RGS5: variants seen among roughly 807,000 people sequenced by gnomAD.
RGS5 encodes the protein regulator of G-protein signalling 5.
RGS5 carries 20 observed loss-of-function variants against 18.9 expected under a neutral mutation model. The ratio of observed to expected loss-of-function variants is 1.06; its 90% CI spans 0.74 to 1.54. The LOEUF is 1.54. Ranked by LOEUF, RGS5 falls within the 40% of genes most tolerant of loss-of-function variation. RGS5 has a pLI of 0.00. For missense variants in RGS5, 201 were observed against 211.8 expected (o/e 0.95, Z 0.32); for synonymous variants, 57 against 76.2 (o/e 0.75, Z 1.31).
chr1:163,149,551 T>C (rs1343194739), intron 4 of RGS5, among the ~76,000 whole-genome samples: 5 of 152,238 alleles, frequency 3.3e-5, no homozygotes, highest in African/African-American at 9.6e-5. Flanking sequence ...TAATAAGTCA[T>C]TCTGATACAT....
At chr1:163,171,846 C>T (rs1216605154) in intron 1 of RGS5, among the ~76,000 whole-genome samples, 2 of 152,078 alleles carry the variant, frequency 1.3e-5, no homozygotes, top group African/African-American at 4.8e-5. Context: ...TGCTTTTAGC[C>T]CGGAGAGGTC....
rs566420953 is a variant in RGS5 at position 163,222,787 on chromosome 1, C to T, written c.-280-54419G>A. Among the ~76,000 whole-genome samples the T allele has an allele frequency of 6.6e-5, 10 of 152,068 alleles. No individual in the cohort carries two copies. In the East Asian group the frequency reaches 1.5e-3, roughly 23 times the overall value. ...GTTGAGATGACCGAAGTCAGGTTTC[C>T]GGCCAACAGAACTGTAGTTTTTCCT... is the stretch of plus-strand genomic sequence containing the variant. On this transcript the variant is annotated intron_variant, in intron 2 of 5. Transcript: ENST00000618415.
Position 163,147,101 on chromosome 1 carries a change from G to A in RGS5, c.*241C>T, listed in dbSNP as rs1283317476. 8.9e-6 allele frequency: 3 copies of A among 336,544 alleles called. No homozygotes were observed. Among genetic ancestry groups the A allele is most frequent in the Non-Finnish European group, 1.6e-5 (3 of 187,584 alleles). The allele number at this position is 336,544 out of a possible 1,614,324, so 20.8% of individuals were successfully genotyped here. A position where few individuals can be genotyped will look rare whatever the true frequency, so the allele number is the denominator to read the frequency against. On this transcript the variant is annotated 3_prime_UTR_variant, in exon 5 of 5. Coordinates refer to ENST00000313961, the MANE Select transcript of RGS5 (RefSeq NM_003617.4). ...TGATTCTGATTGTGTCTGACTACAA[G>A]CTGAAGATATCTTAATTAATAACAG...
intron 2 of RGS5, among the ~76,000 whole-genome samples, chr1:163,257,068 C>T (rs746893111): frequency 2.0e-5 from 3 of 152,122 alleles, no homozygotes; most frequent in Non-Finnish European, 2.9e-5. Flanking sequence ...CTAGTACTGT[C>T]ATGGGTCTGG....
At chr1:163,290,491 T>C (rs989279571) in intron 2 of RGS5, among the ~76,000 whole-genome samples, 4 of 152,186 alleles carry the variant, frequency 2.6e-5, no homozygotes, top group African/African-American at 9.6e-5. Flanking sequence ...AGTGTGTTTA[T>C]AGAGAAGTTT....
At chr1:163,249,859 T>G (rs1239992093) in intron 2 of RGS5, among the ~76,000 whole-genome samples, 1 of 152,194 alleles carries the variant, frequency 6.6e-6, no homozygotes, top group East Asian at 1.9e-4. Flanking sequence ...GTAATTGCAA[T>G]GCAAGCTTTT....
At chr1:163,216,016 T>C (rs1163027192) in intron 1 of RGS5, among the ~76,000 whole-genome samples, 2 of 152,186 alleles carry the variant, frequency 1.3e-5, no homozygotes, top group Non-Finnish European at 2.9e-5. Context: ...GCAGAAGTCA[T>C]GTAATGAAGG....
At chr1:163,161,717 C>G (rs1657804525) in intron 3 of RGS5, 198 bp downstream of exon 3, 1 of 506,822 alleles carries the variant, frequency 2.0e-6, no homozygotes, top group African/African-American at 1.9e-5. Context: ...GTTCACATTC[C>G]CTCATAGTGC....
At chr1:163,174,339 C>T (rs900792397) in intron 1 of RGS5, among the ~76,000 whole-genome samples, 1 of 152,178 alleles carries the variant, frequency 6.6e-6, no homozygotes, top group African/African-American at 2.4e-5. Context: ...ACAATTACAG[C>T]TTCAGCACTT....
chr1:163,275,710 T>C (rs980283854), intron 2 of RGS5, among the ~76,000 whole-genome samples: 4 of 152,206 alleles, frequency 2.6e-5, no homozygotes, highest in African/African-American at 9.6e-5. Flanking sequence ...GGAGAGGATA[T>C]GTTAATCTCC....
intron 2 of RGS5, among the ~76,000 whole-genome samples, chr1:163,282,267 A>G (rs1253415884): frequency 6.6e-6 from 1 of 152,188 alleles, no homozygotes; most frequent in Admixed American, 6.5e-5. Flanking sequence ...TGATTTTAAA[A>G]TAGAAAAAGA....
At chr1:163,289,815 T>C (rs952896107) in intron 2 of RGS5, among the ~76,000 whole-genome samples, 10 of 152,118 alleles carry the variant, frequency 6.6e-5, no homozygotes, top group Non-Finnish European at 1.5e-4. Flanking sequence ...GAGCCCTCGG[T>C]AAGGCTTCCA....
intron 1 of RGS5, among the ~76,000 whole-genome samples, chr1:163,312,701 A>C (rs1257059090): frequency 6.6e-6 from 1 of 152,252 alleles, no homozygotes; most frequent in East Asian, 1.9e-4. Context: ...ATTAGTAGAC[A>C]GGAATCTGGA....
At chr1:163,184,633 A>G (rs1658995315) in intron 1 of RGS5, among the ~76,000 whole-genome samples, 2 of 152,194 alleles carry the variant, frequency 1.3e-5, no homozygotes, top group African/African-American at 4.8e-5. Context: ...AGTTGGCCCA[A>G]TATAATTACA....
chr1:163,282,353 C>T (rs1649015893), intron 2 of RGS5, among the ~76,000 whole-genome samples: 1 of 151,986 alleles, frequency 6.6e-6, no homozygotes, highest in Non-Finnish European at 1.5e-5. Context: ...CATTACTAAT[C>T]ATCAGGAAAT....
At chr1:163,176,253 A>G (rs1279568700) in intron 1 of RGS5, among the ~76,000 whole-genome samples, 3 of 152,230 alleles carry the variant, frequency 2.0e-5, no homozygotes, top group Non-Finnish European at 4.4e-5. Flanking sequence ...AACCTGCAGT[A>G]ACAGACTAGG....
chr1:163,182,150 T>C (rs559882172), intron 1 of RGS5, among the ~76,000 whole-genome samples: 4 of 152,300 alleles, frequency 2.6e-5, no homozygotes, highest in South Asian at 2.1e-4. Context: ...GTTAATTGAA[T>C]GGATAAATGG....
At chr1:163,316,362 T>C (rs999591784) in intron 1 of RGS5, among the ~76,000 whole-genome samples, 5 of 152,224 alleles carry the variant, frequency 3.3e-5, no homozygotes, top group Non-Finnish European at 5.9e-5. Context: ...GTTTCAAAGA[T>C]TTTGTCTCAT....
chr1:163,249,102 A>G (rs1381199675), intron 2 of RGS5, among the ~76,000 whole-genome samples: 1 of 152,216 alleles, frequency 6.6e-6, no homozygotes, highest in African/African-American at 2.4e-5. Context: ...AAGTTACCCT[A>G]TAGGGCATGA....
Sources: gnomAD v4.1 joint callset for allele counts (sites outside exome capture counted in the v4.1 genomes callset) on GRCh38, gnomAD v4.1.1 for gene constraint, MANE v1.5 for transcripts, NCBI Gene and HGNC (gene_info 2026-07-23, HGNC 2026-07-21) for gene names.